The following LTO1 variants were observed in gnomAD, a reference collection of about 807,000 sequenced individuals.
LTO1 encodes LTO1 maturation factor of ABCE1.
In LTO1, 18 loss-of-function variants were observed where a neutral mutation model predicts 19.8. That is an observed-to-expected ratio of 0.91 (90% CI 0.63 to 1.35). The LOEUF is 1.35. Ranked by LOEUF, LTO1 falls within the 40% of genes most tolerant of loss-of-function variation. LTO1 has a pLI of 0.00. For missense variants in LTO1, 175 were observed against 167.9 expected (o/e 1.04, Z -0.23); for synonymous variants, 59 against 59.6 (o/e 0.99, Z 0.05).
At chr11:69,674,935 A>G (rs1215943656) in intron 1 of LTO1, 2 of 687,642 alleles carry the variant, frequency 2.9e-6, no homozygotes, top group African/African-American at 3.5e-5. Flanking sequence ...GGCTGAGCAG[A>G]TGTTTGGGGC....
At chr11:69,670,060 CCA>C in intron 3 of LTO1, among the ~76,000 whole-genome samples, 1 of 151,864 alleles carries the variant, frequency 6.6e-6, no homozygotes. Flanking sequence ...CATCCATGAA[CCA>C]CTGCTCTACA....
chr11:69,669,836 G>A (rs770260942), intron 3 of LTO1, among the ~76,000 whole-genome samples: 26 of 152,182 alleles, frequency 1.7e-4, no homozygotes, highest in East Asian at 5.8e-4. Flanking sequence ...GTTACTCAAC[G>A]GAAAGCACCA....
At position 69,667,513 on chromosome 11, in the gene LTO1, T is replaced by G; in HGVS notation, c.*6A>C. 6.3e-7 allele frequency: 1 copy of G among 1,589,504 alleles called. No individual in the cohort carries two copies. The highest frequency in any genetic ancestry group is 8.6e-7 in the Non-Finnish European group (1 of 1,157,466). ...TCGACGTTCGGTCTCTGTTCATCCA[T>G]CCTCCTCAAAATGAAAGTCCGGAAC... is the stretch of plus-strand genomic sequence containing the variant. On this transcript the variant is annotated 3_prime_UTR_variant, in exon 5 of 5. Transcript: ENST00000279147.
rs992747678 is a variant in LTO1 at position 69,667,585 on chromosome 11, A to G, written c.348T>C (p.Phe116=). ...CTGGCTGAACATTGAGTAACGAACAAAACTGAAAACACAAAAGAGATGGTA... is the reference window on the plus strand; with the variant it reads ...CTGGCTGAACATTGAGTAACGAACAGAACTGAAAACACAAAAGAGATGGTA... ...LDKIRGKFKQ[F]CSLLNVQPDF... Residue 116 remains phenylalanine (F), a splice_region_variant and synonymous_variant, in exon 5 of 5, where the codon TTT becomes TTC. Transcript: ENST00000279147. 6.3e-7 allele frequency: 1 copy of G among 1,599,322 alleles called. No individual in the cohort carries two copies. The highest frequency in any genetic ancestry group is 8.6e-7 in the Non-Finnish European group (1 of 1,166,664).
At chr11:69,673,756 C>G (rs1856147000) in intron 1 of LTO1, among the ~76,000 whole-genome samples, 1 of 144,354 alleles carries the variant, frequency 6.9e-6, no homozygotes. Flanking sequence ...GGTATGATCA[C>G]AGCTCACTAT....
intron 2 of LTO1, chr11:69,672,979 T>G (rs548391791): frequency 1.0e-4 from 53 of 514,596 alleles, no homozygotes; most frequent in East Asian, 1.6e-4. Flanking sequence ...ATTCAGTATT[T>G]TTAGTAGAGA....
chr11:69,671,595 A>G, intron 3 of LTO1, 154 bp downstream of exon 3: 1 of 618,932 alleles, frequency 1.6e-6, no homozygotes, highest in South Asian at 1.9e-5. Flanking sequence ...TATTTCCGTT[A>G]AATCTCCTAA....
rs368332945 is a variant in LTO1, at chr11:69,667,897, G to A, written c.343C>T (p.Gln115Ter). 2.1e-6 allele frequency: 3 copies of A among 1,421,224 alleles called. No homozygotes were observed. The African/African-American group carries it at 4.2e-5, about 20-fold the overall frequency. The allele number at this position is 1,421,224 out of a possible 1,614,324, so 88.0% of individuals were successfully genotyped here. The change falls in exon 4 of 5, where the codon CAG becomes TAG. Residue 115 changes from glutamine (Q) to a stop codon, truncating the protein, a stop_gained and splice_region_variant. Transcript: ENST00000279147. LOFTEE classifies it high-confidence loss of function. ...DLDKIRGKFK[Q>*]FCSLLNVQPD... Reference sequence around the variant, plus strand: ...GAGGAAACACACAGTGCACGCACCTGTTTAAATTTTCCTCTGATCTTGTCT... The same window carrying A: ...GAGGAAACACACAGTGCACGCACCTATTTAAATTTTCCTCTGATCTTGTCT...
chr11:69,668,250 T>G, intron 3 of LTO1: 1 of 432,620 alleles, frequency 2.3e-6, no homozygotes. Context: ...CACGCCTCCA[T>G]TCCGACCACG....
intron 3 of LTO1, among the ~76,000 whole-genome samples, chr11:69,670,178 CG>C (rs1856089372): frequency 6.6e-6 from 1 of 152,150 alleles, no homozygotes; most frequent in South Asian, 2.1e-4. Context: ...TCAACCAAAG[CG>C]GTTCTTCTCT....
chr11:69,669,529 A>T (rs7481519), intron 3 of LTO1, among the ~76,000 whole-genome samples: 2 of 152,332 alleles, frequency 1.3e-5, no homozygotes, highest in Admixed American at 6.5e-5. Flanking sequence ...GGGAAACCAA[A>T]GGGAGATGCC....
intron 2 of LTO1, chr11:69,672,772 C>A: frequency 3.3e-6 from 1 of 304,214 alleles, no homozygotes; most frequent in Non-Finnish European, 6.5e-6. Flanking sequence ...TCCATCTAGT[C>A]CATTAACTCC....
In LTO1 at chr11:69,667,651, A is replaced by T. The variant is rs1856051955; in HGVS notation, c.346-64T>A. 54 of 1,158,082 alleles carry T rather than the reference A, an allele frequency of 4.7e-5. 1 individual carries two copies. The South Asian group carries it at 6.6e-4, about 14-fold the overall frequency. 71.7% of individuals were successfully genotyped at this position (1,158,082 alleles called of 1,614,324 possible). ...ATTTTTACTGAAAAATGAGAAGATAACTCTATCTCTAGCTATAGCTTTTCC... is the reference window on the plus strand; with the variant it reads ...ATTTTTACTGAAAAATGAGAAGATATCTCTATCTCTAGCTATAGCTTTTCC... On this transcript the variant is annotated intron_variant, in intron 4 of 4. Transcript: ENST00000279147.
chr11:69,668,165 C>A (rs763905676), intron 3 of LTO1, 153 bp from the exon 4 acceptor site: 34 of 636,088 alleles, frequency 5.3e-5, no homozygotes, highest in Middle Eastern at 2.6e-4. Context: ...TACACGAAAT[C>A]ATATTTATTT....
chr11:69,674,958 G>T (rs570293326), intron 1 of LTO1: 2 of 693,014 alleles, frequency 2.9e-6, no homozygotes, highest in Admixed American at 2.0e-5. Flanking sequence ...CCCTGACAGG[G>T]AAGGCGGGTC....
rs950226553 is a variant in LTO1, at chr11:69,674,884, C to G, written c.50+306G>C. 19 of 649,650 alleles carry G rather than the reference C, an allele frequency of 2.9e-5. No homozygotes were observed. In the East Asian group the frequency reaches 5.9e-4, roughly 20 times the overall value. 40.2% of individuals were successfully genotyped at this position (649,650 alleles called of 1,614,324 possible). Reference sequence around the variant, plus strand: ...AGCTCCCAGATGGCAAAGGTCTGTCCTCCCAGAGGACGAGGCGGCCTCGGA... The same window carrying G: ...AGCTCCCAGATGGCAAAGGTCTGTCGTCCCAGAGGACGAGGCGGCCTCGGA... On this transcript the variant is annotated intron_variant, in intron 1 of 4. Coordinates refer to ENST00000279147, the MANE Select transcript of LTO1 (RefSeq NM_153451.3).
rs1264176464 is a variant in LTO1 at position 69,666,197 on chromosome 11, A to C, written c.*1322T>G. The C allele has an allele frequency of 1.3e-5, 2 of 152,234 alleles. No homozygotes were observed. Among genetic ancestry groups the C allele is most frequent in the South Asian group, 4.1e-4 (2 of 4,830 alleles). The allele number at this position is 152,234 out of a possible 1,614,324, so 9.4% of individuals were successfully genotyped here. ...AAAAACAAAGCGAGCCACCGTGGAG[A>C]TCCACCTGCCGCTGCTCCCGCGGGG... On this transcript the variant is annotated 3_prime_UTR_variant, in exon 5 of 5. Coordinates refer to ENST00000279147, the MANE Select transcript of LTO1 (RefSeq NM_153451.3).
In LTO1 at chr11:69,667,133, A is replaced by C; in HGVS notation, c.*386T>G. On this transcript the variant is annotated 3_prime_UTR_variant, in exon 5 of 5. Transcript: ENST00000279147. Reference sequence around the variant, plus strand: ...CCTCCCATGAGCCTCATTCGGGGCCAACCATCTCTCTCATTGCAAATAATA... The same window carrying C: ...CCTCCCATGAGCCTCATTCGGGGCCCACCATCTCTCTCATTGCAAATAATA... The C allele has an allele frequency of 5.3e-6, 1 of 187,328 alleles. No homozygotes were observed. 11.6% of individuals were successfully genotyped at this position (187,328 alleles called of 1,614,324 possible). A position where few individuals can be genotyped will look rare whatever the true frequency, so the allele number is the denominator to read the frequency against.
chr11:69,674,976 G>A (rs1449310548), intron 1 of LTO1: 7 of 693,898 alleles, frequency 1.0e-5, no homozygotes, highest in East Asian at 5.4e-5. Context: ...GTCTGGAAGA[G>A]CAGCTGGGCA....
Sources: gnomAD v4.1 joint callset for allele counts (sites outside exome capture counted in the v4.1 genomes callset) on GRCh38, gnomAD v4.1.1 for gene constraint, MANE v1.5 for transcripts, NCBI Gene and HGNC (gene_info 2026-07-23, HGNC 2026-07-21) for gene names.